Variants in NALF1 observed in about 807,000 individuals in gnomAD.
The protein encoded by NALF1 is NALCN channel auxiliary factor 1.
Under a neutral mutation model 48.4 loss-of-function variants are expected in NALF1, and 3 were observed. The observed-to-expected ratio is 0.06, with a 90% confidence interval of 0.03 to 0.16. NALF1 has a LOEUF of 0.16. Among genes scored for constraint, NALF1 ranks in the 10% least tolerant of loss-of-function variants. The pLI is 1.00. For missense variants in NALF1, 526 were observed against 571.5 expected (o/e 0.92, Z 0.81); for synonymous variants, 262 against 245.7 (o/e 1.07, Z -0.62).
chr13:107,212,209 A>C (rs1879777462), intron 1 of NALF1, among the ~76,000 whole-genome samples: 1 of 152,244 alleles, frequency 6.6e-6, no homozygotes, highest in South Asian at 2.1e-4. Flanking sequence ...TTCTGTGATC[A>C]AGGTGACTTG....
At chr13:107,249,385 T>C (rs1404082356) in intron 1 of NALF1, among the ~76,000 whole-genome samples, 1 of 152,084 alleles carries the variant, frequency 6.6e-6, no homozygotes, top group Non-Finnish European at 1.5e-5. Context: ...TCTCAAAAAC[T>C]TACATCTCAA....
At chr13:107,378,005 A>G (rs1007863951) in intron 1 of NALF1, among the ~76,000 whole-genome samples, 4 of 152,254 alleles carry the variant, frequency 2.6e-5, no homozygotes, top group East Asian at 1.9e-4. Flanking sequence ...CTCTTATCAG[A>G]TATGATTTCT....
intron 1 of NALF1, among the ~76,000 whole-genome samples, chr13:107,388,385 T>G (rs1594149965): frequency 6.6e-6 from 1 of 152,326 alleles, no homozygotes; most frequent in East Asian, 1.9e-4. Context: ...GGTTGGAAAC[T>G]GTAAAAGTAG....
intron 1 of NALF1, among the ~76,000 whole-genome samples, chr13:107,744,385 T>C (rs1876723759): frequency 6.6e-6 from 1 of 152,086 alleles, no homozygotes; most frequent in Non-Finnish European, 1.5e-5. Context: ...AAAGGACAAA[T>C]AAGTAAGCGA....
At chr13:107,588,657 T>C (rs1161766664) in intron 1 of NALF1, among the ~76,000 whole-genome samples, 4 of 152,114 alleles carry the variant, frequency 2.6e-5, no homozygotes, top group African/African-American at 9.7e-5. Context: ...TTTTTTGACA[T>C]GTAGTCTTTT....
intron 1 of NALF1, among the ~76,000 whole-genome samples, chr13:107,744,392 G>A (rs976981984): frequency 3.3e-5 from 5 of 152,110 alleles, no homozygotes; most frequent in African/African-American, 1.2e-4. Flanking sequence ...AAATAAGTAA[G>A]CGAAGTGTTT....
intron 1 of NALF1, among the ~76,000 whole-genome samples, chr13:107,440,155 T>C (rs1884532732): frequency 6.6e-6 from 1 of 152,188 alleles, no homozygotes; most frequent in Non-Finnish European, 1.5e-5. Context: ...GCTTGTGGTA[T>C]ACATTTTGAA....
At chr13:107,429,015 T>C (rs1884329180) in intron 1 of NALF1, among the ~76,000 whole-genome samples, 1 of 152,192 alleles carries the variant, frequency 6.6e-6, no homozygotes, top group Non-Finnish European at 1.5e-5. Flanking sequence ...GTCTGGATTA[T>C]TCACATCTTT....
At chr13:107,840,006 T>TA (rs1880001456) in intron 1 of NALF1, among the ~76,000 whole-genome samples, 3 of 152,200 alleles carry the variant, frequency 2.0e-5, no homozygotes, top group Admixed American at 6.5e-5. Flanking sequence ...GATCTACAAG[T>TA]TGATCCTATA....
chr13:107,287,821 T>A, intron 1 of NALF1, among the ~76,000 whole-genome samples: 1 of 149,432 alleles, frequency 6.7e-6, no homozygotes, highest in Non-Finnish European at 1.5e-5. Context: ...TTCTCCTGCC[T>A]CAGCCTCCCG....
chr13:107,181,612 A>G, intron 2 of NALF1, among the ~76,000 whole-genome samples: 1 of 78,088 alleles, frequency 1.3e-5, no homozygotes, highest in Admixed American at 1.1e-4. Flanking sequence ...TACTATATAG[A>G]CTTTTTTTTT....
intron 1 of NALF1, among the ~76,000 whole-genome samples, chr13:107,659,114 GACACACAC>G (rs71121541): frequency 2.4e-4 from 35 of 145,900 alleles, no homozygotes; most frequent in Admixed American, 1.5e-3. Context: ...CTGACACACA[GACACACAC>G]ACACACACAC....
intron 1 of NALF1, among the ~76,000 whole-genome samples, chr13:107,791,962 AAAC>A (rs368788815): frequency 4.2e-4 from 64 of 152,328 alleles, no homozygotes; most frequent in African/African-American, 1.1e-3. Flanking sequence ...CTCCATCTCA[AAAC>A]AACAACAACA....
At chr13:107,389,026 A>G (rs1279894440) in intron 1 of NALF1, among the ~76,000 whole-genome samples, 2 of 152,230 alleles carry the variant, frequency 1.3e-5, no homozygotes, top group Non-Finnish European at 2.9e-5. Flanking sequence ...AGGGGATAAA[A>G]TAGTCGCCGC....
intron 1 of NALF1, among the ~76,000 whole-genome samples, chr13:107,391,461 G>GA (rs939635305): frequency 6.6e-6 from 1 of 152,154 alleles, no homozygotes; most frequent in African/African-American, 2.4e-5. Flanking sequence ...TCCCTTGTGA[G>GA]AAAAATCCAC....
chr13:107,653,994 A>T (rs985060433), intron 1 of NALF1, among the ~76,000 whole-genome samples: 1 of 152,026 alleles, frequency 6.6e-6, no homozygotes, highest in African/African-American at 2.4e-5. Flanking sequence ...AGTGACTAAT[A>T]AATCAAAACC....
At chr13:107,398,605 T>A (rs1883753363) in intron 1 of NALF1, among the ~76,000 whole-genome samples, 1 of 152,160 alleles carries the variant, frequency 6.6e-6, no homozygotes. Flanking sequence ...TTGTTCCCAA[T>A]GCAAATTATG....
At chr13:107,560,008 C>T (rs1236663428) in intron 1 of NALF1, among the ~76,000 whole-genome samples, 1 of 152,020 alleles carries the variant, frequency 6.6e-6, no homozygotes, top group Non-Finnish European at 1.5e-5. Flanking sequence ...CAAGGCTTCC[C>T]TCCATAGAAA....
At chr13:107,195,744 G>C (rs577822809) in intron 2 of NALF1, among the ~76,000 whole-genome samples, 1 of 152,166 alleles carries the variant, frequency 6.6e-6, no homozygotes, top group Non-Finnish European at 1.5e-5. Context: ...TAAATTTCAA[G>C]AGAAAATTCT....
Sources: gnomAD v4.1 joint callset for allele counts (sites outside exome capture counted in the v4.1 genomes callset) on GRCh38, gnomAD v4.1.1 for gene constraint, MANE v1.5 for transcripts, NCBI Gene and HGNC (gene_info 2026-07-23, HGNC 2026-07-21) for gene names.